Variants in POU2F2 observed in about 807,000 individuals in gnomAD.
POU2F2 encodes the protein POU domain, class 2, transcription factor 2.
A neutral mutation model predicts 63.5 loss-of-function variants in POU2F2; 14 were observed. The observed-to-expected ratio is 0.22, with a 90% CI of 0.15 to 0.34. The LOEUF is 0.34. POU2F2 is among the 10% of genes least tolerant of loss of function. The pLI, the probability that POU2F2 is intolerant of heterozygous loss-of-function variation, is 1.00. For missense variants in POU2F2, 607 were observed against 815.2 expected (o/e 0.74, Z 3.11); for synonymous variants, 306 against 348.6 (o/e 0.88, Z 1.36).
At chr19:42,127,529 C>T (rs998350414) in intron 1 of POU2F2, among the ~76,000 whole-genome samples, 8 of 152,078 alleles carry the variant, frequency 5.3e-5, no homozygotes, top group African/African-American at 1.4e-4. Context: ...ATTACATGTG[C>T]GCGCCACTAC....
At position 42,132,064 on chromosome 19, in the gene POU2F2, C is replaced by T. The variant is rs1487738754; in HGVS notation, c.28+320G>A. 2.6e-5 allele frequency among the ~76,000 whole-genome samples: 4 copies of T among 152,276 alleles called. No homozygotes were observed. In the East Asian group the frequency reaches 7.7e-4, roughly 29 times the overall value. On this transcript the variant is annotated intron_variant, in intron 1 of 14. Transcript: ENST00000692977. ...TTTGCAGCCCTTATCCAAGGATTGC[C>T]CATGTCACCCACCCCACTGGTTCTC... is the stretch of plus-strand genomic sequence containing the variant.
rs769217978 is a variant in POU2F2 at position 42,091,413 on chromosome 19, C to T, written c.1719G>A (p.Ala573=). The change falls in exon 15 of 15, where the codon GCG becomes GCA. Residue 573 remains alanine, a synonymous_variant. Transcript: ENST00000692977. ...TPPGVGLVSA[A]AAAVAASISS... ...AGATGGAGGCTGCCACAGCCGCAGC[C>T]GCTGCTGAGACCAGGCCCACACCAG... The T allele has an allele frequency of 2.2e-5, 34 of 1,548,256 alleles. No individual in the cohort carries two copies. The South Asian group carries it at 3.0e-4, about 14-fold the overall frequency.
At chr19:42,179,373 GC>G (rs1308633020), upstream of POU2F2, among the ~76,000 whole-genome samples, 4 of 152,118 alleles carry the variant, frequency 2.6e-5, no homozygotes, top group Admixed American at 2.6e-4. Context: ...GGGTGAAGGG[GC>G]TCCGACCAGG....
chr19:42,108,302 G>T (rs537227758), intron 5 of POU2F2, among the ~76,000 whole-genome samples: 8 of 152,310 alleles, frequency 5.3e-5, no homozygotes, highest in African/African-American at 1.9e-4. Flanking sequence ...AAGAAGGGGA[G>T]AAAGATGATG....
intron 1 of POU2F2, among the ~76,000 whole-genome samples, chr19:42,182,606 T>C (rs2034974742): frequency 6.6e-6 from 1 of 151,918 alleles, no homozygotes; most frequent in African/African-American, 2.4e-5. Context: ...TATGGGAAGG[T>C]GTTCGAGTCG....
rs1171600840 is a variant in POU2F2, at chr19:42,087,594, A to ATT, written c.*3661_*3662dup. On this transcript the variant is annotated 3_prime_UTR_variant, in exon 15 of 15. Coordinates refer to ENST00000692977, the MANE Select transcript of POU2F2 (RefSeq NM_001394376.1). ...AGAGGTGGTTTAGTTACTGGCATCA[A>ATT]TTTTTTTTTTTTTTTTTTTGGCACA... 5.2e-5 allele frequency: 6 copies of ATT among 116,162 alleles called. No individual in the cohort carries two copies. Among genetic ancestry groups the ATT allele is most frequent in the East Asian group, 2.4e-4 (1 of 4,136 alleles). 7.2% of individuals were successfully genotyped at this position (116,162 alleles called of 1,614,324 possible). A position where few individuals can be genotyped will look rare whatever the true frequency, so the allele number is the denominator to read the frequency against.
In POU2F2 at chr19:42,095,692, C is replaced by T; in HGVS notation, c.873G>A (p.Glu291=). ...PLLEKWLNDA[E]TMSVDSSLPS... ...GCAGGCTTGAGTCCACAGACATAGT[C>T]TCTGTGCGCCGGGGGAGACGTGAGC... is the stretch of plus-strand genomic sequence containing the variant. The change falls in exon 10 of 15, where the codon GAG becomes GAA. Residue 291 remains glutamate (E), a splice_region_variant and synonymous_variant. Coordinates refer to ENST00000692977, the MANE Select transcript of POU2F2 (RefSeq NM_001394376.1). The surrounding 1 kb of genome is among the most constrained non-coding windows in gnomAD (Gnocchi z 7.1). The T allele has an allele frequency of 1.2e-6, 2 of 1,611,768 alleles. No individual in the cohort carries two copies. The highest frequency in any genetic ancestry group is 8.5e-7 in the Non-Finnish European group (1 of 1,179,818).
At chr19:42,178,398 T>C (rs944366407), upstream of POU2F2, among the ~76,000 whole-genome samples, 9 of 151,238 alleles carry the variant, frequency 6.0e-5, no homozygotes, top group Non-Finnish European at 1.3e-4. Context: ...AAATCAGAGA[T>C]AGGAGAAAGC....
chr19:42,150,363 G>A (rs1045746367), intron 2 of POU2F2, among the ~76,000 whole-genome samples: 1 of 151,080 alleles, frequency 6.6e-6, no homozygotes, highest in African/African-American at 2.4e-5. Context: ...GGAAGAGGAG[G>A]GGGTCTTGGT....
intron 5 of POU2F2, among the ~76,000 whole-genome samples, chr19:42,103,789 C>T (rs111832245): frequency 1.3e-4 from 20 of 152,074 alleles, no homozygotes; most frequent in African/African-American, 4.1e-4. Context: ...CCCGCCACCA[C>T]GCCTGGCTAA....
chr19:42,156,651 G>A lies in POU2F2; in HGVS notation c.-9+3681C>T, dbSNP rs1022854859. On this transcript the variant is annotated intron_variant, in intron 2 of 6. Coordinates refer to the POU2F2 transcript ENST00000524801. This position sits in a 1 kb window ranked among gnomAD's most constrained non-coding sequence, Gnocchi z 4.1. Reference sequence around the variant, plus strand: ...CAGGGGTGTAATTCAGAAGGAGGCAGACTGGGCCTGGGGCATGTGGACAAG... The same window carrying A: ...CAGGGGTGTAATTCAGAAGGAGGCAAACTGGGCCTGGGGCATGTGGACAAG... The A allele has an allele frequency of 1.3e-5, 2 of 152,310 alleles. No individual in the cohort carries two copies. The highest frequency in any genetic ancestry group is 2.4e-5 in the African/African-American group (1 of 41,452). The allele number at this position is 152,310 out of a possible 1,614,324, so 9.4% of individuals were successfully genotyped here.
intron 2 of POU2F2, among the ~76,000 whole-genome samples, chr19:42,149,605 G>C (rs1193348246): frequency 6.6e-6 from 1 of 152,144 alleles, no homozygotes; most frequent in Non-Finnish European, 1.5e-5. Flanking sequence ...AAAGGAAAGA[G>C]AGTCAGAGTC....
intron 5 of POU2F2, among the ~76,000 whole-genome samples, chr19:42,101,471 G>A (rs1403880424): frequency 2.0e-5 from 3 of 152,168 alleles, no homozygotes; most frequent in African/African-American, 7.2e-5. Context: ...AAGAGACACA[G>A]GGAAAAGACA....
At position 42,162,985 on chromosome 19, in the gene POU2F2, G is replaced by A. The variant is rs2034580284; in HGVS notation, c.-69-2593C>T. 6.6e-6 allele frequency among the ~76,000 whole-genome samples: 1 copy of A among 152,126 alleles called. No individual in the cohort carries two copies. Among genetic ancestry groups the A allele is most frequent in the Non-Finnish European group, 1.5e-5 (1 of 68,024 alleles). ...TCTCTCAGCATCTCACATTTGTTCG[G>A]CGAGTGTCATCCCATGACACTGCTG... On this transcript the variant is annotated intron_variant, in intron 1 of 6. Coordinates refer to the POU2F2 transcript ENST00000524801. The surrounding 1 kb of genome is among the most constrained non-coding windows in gnomAD (Gnocchi z 4.1).
chr19:42,158,438 C>T (rs1318438624), intron 2 of POU2F2, among the ~76,000 whole-genome samples: 1 of 152,198 alleles, frequency 6.6e-6, no homozygotes, highest in Non-Finnish European at 1.5e-5. Context: ...GTCAGGCAAA[C>T]CCAGGTTCAA....
chr19:42,151,314 C>T (rs1054057303), intron 2 of POU2F2, among the ~76,000 whole-genome samples: 11 of 59,958 alleles, frequency 1.8e-4, no homozygotes, highest in African/African-American at 6.0e-4. Context: ...GGGCAGAAGG[C>T]GGGGGTGGGG....
At position 42,095,531 on chromosome 19, in the gene POU2F2, GA is replaced by G. The variant is rs2076886739; in HGVS notation, c.1020+13del. ...CCCCTCAGGTGAGGGCCACCCAGGA[GA>G]GGGGGGCCTCACCGCTAGAAAACTC... is the stretch of plus-strand genomic sequence containing the variant. On this transcript the variant is annotated intron_variant, in intron 10 of 14. Coordinates refer to ENST00000692977, the MANE Select transcript of POU2F2 (RefSeq NM_001394376.1). The surrounding 1 kb of genome is among the most constrained non-coding windows in gnomAD (Gnocchi z 7.1). The G allele has an allele frequency of 4.4e-6, 7 of 1,600,954 alleles. No homozygotes were observed. Among genetic ancestry groups the G allele is most frequent in the African/African-American group, 1.3e-5 (1 of 74,490 alleles).
intron 5 of POU2F2, 42 bp from the exon 6 acceptor site, chr19:42,099,863 G>T: frequency 6.6e-7 from 1 of 1,509,072 alleles, no homozygotes; most frequent in Non-Finnish European, 9.0e-7. Context: ...CCTGAGTCCT[G>T]GCTGGGTTTC....
At chr19:42,135,877 A>C (rs2146747914), upstream of POU2F2, among the ~76,000 whole-genome samples, 2 of 151,946 alleles carry the variant, frequency 1.3e-5, no homozygotes, top group East Asian at 1.9e-4. Flanking sequence ...GGCCAGGCTA[A>C]TTTTTGTGTT....
Sources: allele counts gnomAD v4.1 joint callset (sites outside exome capture counted in the v4.1 genomes callset), GRCh38; gene constraint gnomAD v4.1.1; non-coding constraint Gnocchi (gnomAD v3.1); transcripts MANE v1.5; gene names NCBI Gene and HGNC (gene_info 2026-07-23, HGNC 2026-07-21).